Variants in CEACAM7 observed in about 807,000 individuals in gnomAD.
CEACAM7 encodes CEA cell adhesion molecule 7, also known as cell adhesion molecule CEACAM7.
A neutral mutation model predicts 25.7 loss-of-function variants in CEACAM7; 24 were observed. The observed-to-expected ratio is 0.93, with a 90% confidence interval of 0.68 to 1.31. The LOEUF (loss-of-function observed/expected upper bound fraction) is 1.31, where lower values mean the gene tolerates loss of function less well. Among genes scored for constraint, CEACAM7 ranks in the 40% most tolerant of loss-of-function variants. The probability of loss-of-function intolerance (pLI) is 0.00; values close to 1 mark genes in which losing one functional copy is unlikely to be tolerated. For synonymous variants in CEACAM7, 144 were observed against 129.4 expected (o/e 1.11, Z -0.77); for missense variants, 324 against 330.1 (o/e 0.98, Z 0.14).
At chr19:41,684,192 T>G in intron 2 of CEACAM7, 129 bp from the exon 3 acceptor site, 1 of 947,182 alleles carries the variant, frequency 1.1e-6, no homozygotes, top group Non-Finnish European at 1.6e-6. Flanking sequence ...ACAGAAGGTG[T>G]GTGTATCACA....
intron 2 of CEACAM7, among the ~76,000 whole-genome samples, chr19:41,685,269 C>T: frequency 6.6e-6 from 1 of 152,218 alleles, no homozygotes; most frequent in African/African-American, 2.4e-5. Context: ...GTCCCATGGC[C>T]AAGCATTTAC....
At chr19:41,687,339 G>A (rs1235540247) in intron 1 of CEACAM7, 118 bp from the exon 2 acceptor site, 2 of 952,058 alleles carry the variant, frequency 2.1e-6, no homozygotes, top group Non-Finnish European at 3.2e-6. Context: ...AAGTGTGTGT[G>A]TGTGTGTGTG....
chr19:41,683,879 GAGT>G lies in CEACAM7; in HGVS notation c.609_611del (p.Leu204del). 1 of 1,614,200 alleles carries G rather than the reference GAGT, an allele frequency of 6.2e-7. No homozygotes were observed. Among genetic ancestry groups the G allele is most frequent in the Non-Finnish European group, 8.5e-7 (1 of 1,180,012 alleles). ...GTCCTATGTCATTCTTTGTGGCGCT[GAGT>G]AGAACGAGGGTCCTGTTGTCAGTGG... On this transcript the variant is annotated inframe_deletion, in exon 3 of 5. Transcript: ENST00000401731.
Position 41,686,849 on chromosome 19 carries a change from T to G in CEACAM7, c.427+10A>C. 1 of 1,521,452 alleles carries G rather than the reference T, an allele frequency of 6.6e-7. No homozygotes were observed. The highest frequency in any genetic ancestry group is 8.8e-7 in the Non-Finnish European group (1 of 1,137,278). The allele number at this position is 1,521,452 out of a possible 1,614,324, so 94.2% of individuals were successfully genotyped here. On this transcript the variant is annotated intron_variant, in intron 2 of 4. Coordinates refer to ENST00000401731, the MANE Select transcript of CEACAM7 (RefSeq NM_001291485.2). ...CCCCAGCACCCAGAAGTCATGGAGG[T>G]ATCACTCACAGAATACGTAGAATTG...
At chr19:41,679,884 C>A (rs2072156019) in intron 3 of CEACAM7, among the ~76,000 whole-genome samples, 1 of 147,470 alleles carries the variant, frequency 6.8e-6, no homozygotes. Context: ...TCACTGCAAC[C>A]TCTGCCTCCC....
rs73934066 is a variant in CEACAM7, at chr19:41,674,456, G to C, written c.*320C>G. On this transcript the variant is annotated 3_prime_UTR_variant, in exon 5 of 5. Transcript: ENST00000401731. ...AGCAGGGAAAAATGGAGTGGGATAAGAGCCTCGTCACGATGAGGCTTGGGA... is the reference window on the plus strand; with the variant it reads ...AGCAGGGAAAAATGGAGTGGGATAACAGCCTCGTCACGATGAGGCTTGGGA... 1,590 of 157,762 alleles carry C rather than the reference G, an allele frequency of 0.01. 40 individuals are homozygous for C. Among genetic ancestry groups the C allele is most frequent in the African/African-American group, 0.036 (1,513 of 41,628 alleles). 9.8% of individuals were successfully genotyped at this position (157,762 alleles called of 1,614,324 possible).
At chr19:41,674,877 T>A (rs2072098747) in intron 4 of CEACAM7, 138 bp from the exon 5 acceptor site, 1 of 152,868 alleles carries the variant, frequency 6.5e-6, no homozygotes, top group African/African-American at 2.4e-5. Context: ...GTAAGACTAA[T>A]CTGTTTACAA....
At chr19:41,677,872 T>G (rs896403085) in intron 3 of CEACAM7, among the ~76,000 whole-genome samples, 7 of 152,158 alleles carry the variant, frequency 4.6e-5, no homozygotes, top group Non-Finnish European at 7.3e-5. Flanking sequence ...GCATTTTGAA[T>G]TCACCACCTC....
intron 3 of CEACAM7, among the ~76,000 whole-genome samples, chr19:41,678,453 G>A (rs2072139441): frequency 6.6e-6 from 1 of 151,676 alleles, no homozygotes. Flanking sequence ...GCAATAATTT[G>A]GGCTTAATTT....
intron 3 of CEACAM7, among the ~76,000 whole-genome samples, chr19:41,678,902 A>G (rs2072144621): frequency 6.6e-6 from 1 of 152,272 alleles, no homozygotes; most frequent in Non-Finnish European, 1.5e-5. Context: ...CAAGAAATGT[A>G]TAACTATAAA....
chr19:41,684,403 G>A lies in CEACAM7; in HGVS notation c.428-340C>T, dbSNP rs533644520. ...CCTGGCCCTTTGGGGTCCTCACCTC[G>A]AATGGGCAGGAGCTGAGTTCCTTCC... On this transcript the variant is annotated intron_variant, in intron 2 of 4. Coordinates refer to ENST00000401731, the MANE Select transcript of CEACAM7 (RefSeq NM_001291485.2). Among the ~76,000 whole-genome samples, 91 of 152,278 alleles carry A rather than the reference G, an allele frequency of 6.0e-4. 1 individual carries two copies. The highest frequency in any genetic ancestry group is 2.0e-3 in the African/African-American group (83 of 41,546).
chr19:41,685,407 G>A (rs1436390185), intron 2 of CEACAM7, among the ~76,000 whole-genome samples: 3 of 152,058 alleles, frequency 2.0e-5, no homozygotes, highest in Non-Finnish European at 4.4e-5. Context: ...TCCCACTGGG[G>A]TGGCTTTAGG....
At chr19:41,681,350 C>T (rs2072173967) in intron 3 of CEACAM7, among the ~76,000 whole-genome samples, 3 of 152,106 alleles carry the variant, frequency 2.0e-5, no homozygotes, top group Admixed American at 2.0e-4. Flanking sequence ...GGTGCAGCCA[C>T]AGTGGAAAAT....
intron 3 of CEACAM7, among the ~76,000 whole-genome samples, chr19:41,680,909 A>C (rs376569885): frequency 3.9e-5 from 6 of 152,094 alleles, no homozygotes; most frequent in East Asian, 1.9e-4. Context: ...CAAAAAAAAA[A>C]CAGACAAATT....
In CEACAM7 at chr19:41,673,321, T is replaced by G. The variant is rs1245847947; in HGVS notation, c.*1455A>C. ...AATTCAGTTATAGATACAATTGGCT[T>G]TTATTTGTGATTCATGAGTCAGGGC... On this transcript the variant is annotated 3_prime_UTR_variant, in exon 5 of 5. Transcript: ENST00000401731. 3.3e-5 allele frequency: 5 copies of G among 152,198 alleles called. No homozygotes were observed. The highest frequency in any genetic ancestry group is 9.7e-5 in the African/African-American group (4 of 41,442). The allele number at this position is 152,198 out of a possible 1,614,324, so 9.4% of individuals were successfully genotyped here.
chr19:41,677,608 G>A, intron 3 of CEACAM7, 105 bp from the exon 4 acceptor site: 1 of 728,086 alleles, frequency 1.4e-6, no homozygotes, highest in East Asian at 2.6e-5. Context: ...GTTCCTTCAA[G>A]GAATACATTA....
At chr19:41,684,630 G>A (rs1031134993) in intron 2 of CEACAM7, among the ~76,000 whole-genome samples, 38 of 152,156 alleles carry the variant, frequency 2.5e-4, no homozygotes, top group African/African-American at 8.7e-4. Context: ...GTTTGATGGT[G>A]ACTGACAAGA....
chr19:41,676,692 T>G (rs1235618671), intron 4 of CEACAM7, among the ~76,000 whole-genome samples: 1 of 152,204 alleles, frequency 6.6e-6, no homozygotes, highest in Non-Finnish European at 1.5e-5. Flanking sequence ...GCTACCGTCT[T>G]TGTCCTCCAC....
intron 4 of CEACAM7, among the ~76,000 whole-genome samples, 163 bp downstream of exon 4, chr19:41,677,213 C>A (rs543840499): frequency 6.6e-6 from 1 of 152,242 alleles, no homozygotes; most frequent in Non-Finnish European, 1.5e-5. Flanking sequence ...GCATGAAGAC[C>A]AGGGAAGAAG....
Sources: gnomAD v4.1 joint callset for allele counts (sites outside exome capture counted in the v4.1 genomes callset) on GRCh38, gnomAD v4.1.1 for gene constraint, MANE v1.5 for transcripts, NCBI Gene and HGNC (gene_info 2026-07-23, HGNC 2026-07-21) for gene names.